The following SLIT1 variants were observed in gnomAD, a reference collection of about 807,000 sequenced individuals.
SLIT1 encodes the protein slit guidance ligand 1.
In SLIT1, 66 loss-of-function variants were observed where a neutral mutation model predicts 186.1. That is an observed-to-expected ratio of 0.35 (90% CI 0.29 to 0.44). The LOEUF is 0.44. SLIT1 is among the 20% of genes least tolerant of loss of function. The pLI, the probability that SLIT1 is intolerant of heterozygous loss-of-function variation, is 1.00. For synonymous variants in SLIT1, 761 were observed against 833.8 expected (o/e 0.91, Z 1.50); for missense variants, 1,638 against 2,037.4 (o/e 0.80, Z 3.77).
chr10:97,082,258 A>G (rs1220794290), intron 4 of SLIT1, among the ~76,000 whole-genome samples: 2 of 152,226 alleles, frequency 1.3e-5, no homozygotes, highest in Non-Finnish European at 2.9e-5. Context: ...CTCCTAAGAC[A>G]TGAATGATTG....
At chr10:97,174,108 CT>C (rs1261914273) in intron 1 of SLIT1, among the ~76,000 whole-genome samples, 5 of 152,302 alleles carry the variant, frequency 3.3e-5, no homozygotes, top group African/African-American at 1.2e-4. Flanking sequence ...CAAACGCCCT[CT>C]TCTAAACCAG....
Position 97,068,353 on chromosome 10 carries a change from T to C in SLIT1, c.414-2267A>G, listed in dbSNP as rs946143912. ...TTCCTCATGTACAAAATGGGAAAAA[T>C]GAAAGCCTGGCAAAGCAATTGCCTT... On this transcript the variant is annotated intron_variant, in intron 4 of 36. Coordinates refer to ENST00000266058, the MANE Select transcript of SLIT1 (RefSeq NM_003061.3). This position sits in a 1 kb window ranked among gnomAD's most constrained non-coding sequence, Gnocchi z 4.2. 2.0e-5 allele frequency among the ~76,000 whole-genome samples: 3 copies of C among 151,902 alleles called. No individual in the cohort carries two copies. Among genetic ancestry groups the C allele is most frequent in the Admixed American group, 6.5e-5 (1 of 15,270 alleles).
At position 97,020,967 on chromosome 10, in the gene SLIT1, C is replaced by T. The variant is rs116487197; in HGVS notation, c.2746+283G>A. On this transcript the variant is annotated intron_variant, in intron 26 of 36. Transcript: ENST00000266058. ...GGAGGTCTGAGCGCATGCTCTGCTGCGAGGCTTGGAGCTTCCAGAAACACT... is the reference window on the plus strand; with the variant it reads ...GGAGGTCTGAGCGCATGCTCTGCTGTGAGGCTTGGAGCTTCCAGAAACACT... Among the ~76,000 whole-genome samples, 905 of 152,334 alleles carry T rather than the reference C, an allele frequency of 5.9e-3. 9 individuals are homozygous for T. The highest frequency in any genetic ancestry group is 0.021 in the African/African-American group (874 of 41,586).
intron 36 of SLIT1, among the ~76,000 whole-genome samples, chr10:97,001,795 G>C (rs1239971006): frequency 6.6e-6 from 1 of 152,124 alleles, no homozygotes; most frequent in Non-Finnish European, 1.5e-5. Flanking sequence ...AGCAGGCCAG[G>C]GAGGGCCTGG....
rs1848654061 is a variant in SLIT1 at position 97,037,781 on chromosome 10, C to T, written c.2298-15G>A. On this transcript the variant is annotated splice_polypyrimidine_tract_variant and intron_variant, in intron 21 of 36. Coordinates refer to ENST00000266058, the MANE Select transcript of SLIT1 (RefSeq NM_003061.3). ...CGTCCAAATAGCTGCAGAGAGAACA[C>T]AGCGGCGTTAGTGCCCATCTCCACC... 1.9e-6 allele frequency: 3 copies of T among 1,595,034 alleles called. No homozygotes were observed. Among genetic ancestry groups the T allele is most frequent in the Non-Finnish European group, 2.6e-6 (3 of 1,164,424 alleles).
intron 4 of SLIT1, among the ~76,000 whole-genome samples, chr10:97,124,896 T>C (rs912437859): frequency 6.6e-6 from 1 of 152,102 alleles, no homozygotes; most frequent in Non-Finnish European, 1.5e-5. Context: ...AAAATGAAGA[T>C]GGAATAGAGA....
At chr10:97,056,576 A>G (rs1312175569) in intron 12 of SLIT1, 112 bp from the exon 13 acceptor site, 2 of 1,187,134 alleles carry the variant, frequency 1.7e-6, no homozygotes, top group Non-Finnish European at 2.4e-6. Flanking sequence ...GGAGGAGCCC[A>G]TCGGAGCAGG....
In SLIT1 at chr10:97,167,331, GC is replaced by G. The variant is rs375043391; in HGVS notation, c.198-2442del. Among the ~76,000 whole-genome samples the G allele has an allele frequency of 6.4e-3, 969 of 152,304 alleles. 5 individuals carry two copies. The highest frequency in any genetic ancestry group is 0.013 in the South Asian group (63 of 4,826). ...CAAACACTGAGAATGTCATCATGAA[GC>G]CCTTTGAAAGTGGTTCTCTTCCCAA... is the stretch of plus-strand genomic sequence containing the variant. On this transcript the variant is annotated intron_variant, in intron 1 of 36. Transcript: ENST00000266058.
At chr10:97,094,051 G>A (rs937074) in intron 4 of SLIT1, among the ~76,000 whole-genome samples, 56,105 of 152,162 alleles carry the variant, frequency 0.37, 12,661 homozygotes, top group African/African-American at 0.64. Context: ...ACCACCTAGG[G>A]AAGGGCTGAC....
intron 1 of SLIT1, among the ~76,000 whole-genome samples, chr10:97,185,065 G>A (rs1323118300): frequency 6.6e-6 from 1 of 152,276 alleles, no homozygotes; most frequent in African/African-American, 2.4e-5. Context: ...AGCTGGCTCA[G>A]AACGCGGCCG....
chr10:97,102,390 C>T (rs554568915), intron 4 of SLIT1: 5 of 137,216 alleles, frequency 3.6e-5, no homozygotes, highest in Middle Eastern at 4.2e-3. Flanking sequence ...CATTACACTC[C>T]AGTCTGGGCA....
chr10:97,093,528 T>C (rs1849255116), intron 4 of SLIT1, among the ~76,000 whole-genome samples: 1 of 152,184 alleles, frequency 6.6e-6, no homozygotes, highest in African/African-American at 2.4e-5. Flanking sequence ...ATGAGATGGC[T>C]GGAGCTCCAG....
At chr10:97,139,156 G>A (rs1471154209) in intron 4 of SLIT1, among the ~76,000 whole-genome samples, 3 of 152,170 alleles carry the variant, frequency 2.0e-5, no homozygotes, top group Admixed American at 6.5e-5. Flanking sequence ...AAGGAGGGCC[G>A]CCTCTCAGCC....
At chr10:97,064,379 G>A (rs1479528139) in intron 6 of SLIT1, 140 bp from the exon 7 acceptor site, 1 of 725,020 alleles carries the variant, frequency 1.4e-6, no homozygotes. Flanking sequence ...CTAAGCCGAA[G>A]AGCATGAGGC....
At chr10:97,011,528 C>T (rs898676801) in intron 30 of SLIT1, among the ~76,000 whole-genome samples, 2 of 152,222 alleles carry the variant, frequency 1.3e-5, no homozygotes, top group Non-Finnish European at 2.9e-5. Context: ...GACCCACTAC[C>T]ATGTGACTGA....
chr10:97,074,918 T>C (rs959783839), intron 4 of SLIT1, among the ~76,000 whole-genome samples: 2 of 152,358 alleles, frequency 1.3e-5, no homozygotes, highest in African/African-American at 4.8e-5. Flanking sequence ...CTTCACGCTC[T>C]AACCTGATTG....
chr10:97,017,059 C>T (rs901206901), intron 28 of SLIT1, among the ~76,000 whole-genome samples: 3 of 152,190 alleles, frequency 2.0e-5, no homozygotes, highest in African/African-American at 7.2e-5. Context: ...TGGAGGCACC[C>T]CCTTTCCACC....
rs1848357118 is a variant in SLIT1, at chr10:97,006,047, T to G, written c.3579+436A>C. Among the ~76,000 whole-genome samples, 1 of 152,198 alleles carries G rather than the reference T, an allele frequency of 6.6e-6. No homozygotes were observed. The highest frequency in any genetic ancestry group is 2.4e-5 in the African/African-American group (1 of 41,428). On this transcript the variant is annotated intron_variant, in intron 32 of 36. Coordinates refer to ENST00000266058, the MANE Select transcript of SLIT1 (RefSeq NM_003061.3). The surrounding 1 kb of genome is among the most constrained non-coding windows in gnomAD (Gnocchi z 4.0). ...TTTTCCCCTCAACATGAAGATGTTC[T>G]GAGATGGAACTGAAGGCATGAAAAG... is the stretch of plus-strand genomic sequence containing the variant.
At chr10:97,038,287 C>T (rs1848659697) in intron 21 of SLIT1, among the ~76,000 whole-genome samples, 1 of 152,144 alleles carries the variant, frequency 6.6e-6, no homozygotes, top group African/African-American at 2.4e-5. Flanking sequence ...TCTCCTCCTC[C>T]CTCTGCAGCC....
Sources: gnomAD v4.1 joint callset for allele counts (sites outside exome capture counted in the v4.1 genomes callset) on GRCh38, gnomAD v4.1.1 for gene constraint, Gnocchi (gnomAD v3.1) non-coding constraint, MANE v1.5 for transcripts, NCBI Gene and HGNC (gene_info 2026-07-23, HGNC 2026-07-21) for gene names.